Variants in AIFM1 observed in about 807,000 individuals in gnomAD.
AIFM1 encodes the protein apoptosis-inducing factor 1, mitochondrial.
Under a neutral mutation model 51.7 loss-of-function variants are expected in AIFM1, and 3 were observed. That is an observed-to-expected ratio of 0.06 (90% confidence interval 0.03 to 0.15). The LOEUF (loss-of-function observed/expected upper bound fraction) is 0.15, where lower values mean the gene tolerates loss of function less well. Among genes scored for constraint, AIFM1 ranks in the 10% least tolerant of loss-of-function variants. The pLI is 1.00. For missense variants in AIFM1, 330 were observed against 476.8 expected, an observed-to-expected ratio of 0.69 and a Z score of 2.87; for synonymous variants, 178 against 179.4, an observed-to-expected ratio of 0.99 and a Z score of 0.06.
intron 8 of AIFM1, among the ~76,000 whole-genome samples, chrX:130,139,564 T>C (rs73556216): frequency 1.3e-3 from 149 of 111,441 alleles, no homozygotes; most frequent in African/African-American, 4.6e-3. Flanking sequence ...CAGAAGGATC[T>C]ATTGCAAGCA....
rs868849708 is a variant in AIFM1 at position 130,164,014 on chromosome X, A to C, written c.106+1537T>G. 4.3e-3 allele frequency among the ~76,000 whole-genome samples: 470 copies of C among 108,129 alleles called. 3 individuals carry two copies. Among genetic ancestry groups the C allele is most frequent in the African/African-American group, 0.015 (449 of 29,766 alleles). 93.9% of individuals were successfully genotyped at this position (108,129 alleles called of 115,157 possible). A position where few individuals can be genotyped will look rare whatever the true frequency, so the allele number is the denominator to read the frequency against. On this transcript the variant is annotated intron_variant, in intron 1 of 15. Transcript: ENST00000287295. ...ACTAAAAATACAAAAAAAAAAAAAA[A>C]AAAATTAGCCGGGCGTGGTGGCGGG...
chrX:130,143,696 C>CAA (rs11390300), intron 6 of AIFM1, among the ~76,000 whole-genome samples: 1,390 of 99,816 alleles, frequency 0.014, 25 homozygotes, highest in African/African-American at 0.046. Context: ...ACTAAAAAGA[C>CAA]AAAAAAAAAA....
intron 1 of AIFM1, among the ~76,000 whole-genome samples, chrX:130,161,059 C>T (rs909081402): frequency 1.6e-4 from 18 of 111,317 alleles, no homozygotes; most frequent in Admixed American, 4.8e-4. Context: ...AAGTTCATTT[C>T]TGTAGGTTTT....
intron 10 of AIFM1, 68 bp from the exon 11 acceptor site, chrX:130,136,799 T>C: frequency 9.0e-7 from 1 of 1,107,265 alleles, no homozygotes; most frequent in Non-Finnish European, 1.2e-6. Flanking sequence ...GTAGGAAAGC[T>C]GACCAGCGGT....
At chrX:130,135,001 C>G (rs2030265396) in intron 12 of AIFM1, among the ~76,000 whole-genome samples, 1 of 111,104 alleles carries the variant, frequency 9.0e-6, no homozygotes, top group Admixed American at 9.6e-5. Context: ...GAAGGAAATA[C>G]ACCAAAATAT....
chrX:130,159,203 A>T (rs1317038924), intron 1 of AIFM1, among the ~76,000 whole-genome samples: 2 of 111,542 alleles, frequency 1.8e-5, no homozygotes, highest in African/African-American at 6.6e-5. Context: ...GAGTTATGAA[A>T]ACTTGATAGT....
At position 130,165,602 on chromosome X, in the gene AIFM1, A is replaced by G. The variant is rs2031505681; in HGVS notation, c.55T>C (p.Leu19=). ...CTTCGGACGCACACGGTCCGCACCA[A>G]GGGCACCAGCTTCTGCTTCAAAGCA... ...AGALKQKLVP[L]VRTVCVRSPR... is the part of the protein sequence containing the mutation. Residue 19 remains leucine, a synonymous_variant, in exon 1 of 16, where the codon TTG becomes CTG. Transcript: ENST00000287295. 2 of 1,202,335 alleles carry G rather than the reference A, an allele frequency of 1.7e-6. No homozygotes were observed. The highest frequency in any genetic ancestry group is 2.2e-6 in the Non-Finnish European group (2 of 891,032).
Position 130,165,734 on chromosome X carries a change from G to A in AIFM1, c.-78C>T, listed in dbSNP as rs1218717452. ...CGACGGGTCAAACACCGTGAGCCCC[G>A]GCCAGCTCCCCCAGTCTCTTCACAC... On this transcript the variant is annotated 5_prime_UTR_variant, in exon 1 of 16. Coordinates refer to ENST00000287295, the MANE Select transcript of AIFM1 (RefSeq NM_004208.4). 8 of 843,189 alleles carry A rather than the reference G, an allele frequency of 9.5e-6. No individual in the cohort carries two copies. The highest frequency in any genetic ancestry group is 3.4e-5 in the East Asian group (1 of 29,252). The allele number at this position is 843,189 out of a possible 1,213,427, so 69.5% of individuals were successfully genotyped here.
At chrX:130,158,767 T>C (rs2031257242) in intron 1 of AIFM1, among the ~76,000 whole-genome samples, 1 of 105,908 alleles carries the variant, frequency 9.4e-6, no homozygotes, top group Non-Finnish European at 1.9e-5. Context: ...TAAGAAAGTT[T>C]ACAAATTTGT....
chrX:130,146,999 T>C (rs893072641), intron 5 of AIFM1, among the ~76,000 whole-genome samples: 1 of 110,352 alleles, frequency 9.1e-6, no homozygotes, highest in African/African-American at 3.3e-5. Flanking sequence ...ATCTCTACTA[T>C]AAAATACAAA....
intron 2 of AIFM1, among the ~76,000 whole-genome samples, chrX:130,150,326 CTTTTTT>C (rs755785211): frequency 1.6e-5 from 1 of 61,648 alleles, no homozygotes; most frequent in Non-Finnish European, 3.1e-5. Context: ...TTATTGGAGA[CTTTTTT>C]TTTTTTTTTT....
intron 1 of AIFM1, among the ~76,000 whole-genome samples, chrX:130,158,820 T>A (rs2031258468): frequency 9.0e-6 from 1 of 110,932 alleles, no homozygotes; most frequent in African/African-American, 3.3e-5. Flanking sequence ...AGGCTGATAC[T>A]TATGTCCCTG....
intron 9 of AIFM1, 196 bp from the exon 10 acceptor site, chrX:130,137,381 G>T (rs969719481): frequency 1.7e-6 from 2 of 1,153,629 alleles, no homozygotes; most frequent in African/African-American, 3.6e-5. Context: ...AATACAACAG[G>T]TATCAGAACT....
intron 12 of AIFM1, 102 bp from the exon 13 acceptor site, chrX:130,133,557 A>AGTT: frequency 1.0e-6 from 1 of 1,000,662 alleles, no homozygotes; most frequent in East Asian, 3.0e-5. Flanking sequence ...TTGTAATGGT[A>AGTT]ACTAATTCAT....
At chrX:130,142,636 G>A (rs777541388) in intron 6 of AIFM1, among the ~76,000 whole-genome samples, 2 of 110,931 alleles carry the variant, frequency 1.8e-5, no homozygotes, top group African/African-American at 3.3e-5. Flanking sequence ...ACTTCCCAAT[G>A]GTATCTGTTT....
chrX:130,140,681 G>A, intron 6 of AIFM1, 64 bp from the exon 7 acceptor site: 1 of 861,258 alleles, frequency 1.2e-6, no homozygotes, highest in East Asian at 3.1e-5. Flanking sequence ...AAGTTTTATT[G>A]AGATATAATT....
At chrX:130,144,912 T>C (rs2030701770) in intron 6 of AIFM1, among the ~76,000 whole-genome samples, 1 of 112,081 alleles carries the variant, frequency 8.9e-6, no homozygotes, top group Admixed American at 9.5e-5. Flanking sequence ...CTTCCACTTA[T>C]GCTGTGTATC....
chrX:130,163,486 T>A (rs1297172898), intron 1 of AIFM1, among the ~76,000 whole-genome samples: 1 of 111,105 alleles, frequency 9.0e-6, no homozygotes, highest in Non-Finnish European at 1.9e-5. Context: ...AATGAGAGTA[T>A]CAGAACTTCT....
chrX:130,165,762 A>G lies in AIFM1; in HGVS notation c.-106T>C, dbSNP rs771926875. On this transcript the variant is annotated 5_prime_UTR_variant, in exon 1 of 16. Coordinates refer to ENST00000287295, the MANE Select transcript of AIFM1 (RefSeq NM_004208.4). ...CAGCTCCCCCAGTCTCTTCACACGC[A>G]CATTACGCAGACTCCTCCTCCCAGC... 1.6e-4 allele frequency: 105 copies of G among 663,401 alleles called. 1 individual carries two copies. In the South Asian group the frequency reaches 2.4e-3, roughly 15 times the overall value. The allele number at this position is 663,401 out of a possible 1,213,427, so 54.7% of individuals were successfully genotyped here.
Sources: allele counts gnomAD v4.1 joint callset (sites outside exome capture counted in the v4.1 genomes callset), GRCh38; gene constraint gnomAD v4.1.1; transcripts MANE v1.5; gene names NCBI Gene and HGNC (gene_info 2026-07-23, HGNC 2026-07-21).